The following LRPPRC variants were observed in gnomAD, a reference collection of about 807,000 sequenced individuals.
LRPPRC encodes the protein leucine-rich PPR motif-containing protein, mitochondrial.
In LRPPRC, 120 loss-of-function variants were observed where a neutral mutation model predicts 180.3. That is an observed-to-expected ratio of 0.67 (90% confidence interval 0.57 to 0.77). The LOEUF is 0.77. Among genes scored for constraint, LRPPRC ranks in the 30% least tolerant of loss-of-function variants. LRPPRC has a pLI of 0.00. For synonymous variants in LRPPRC, 723 were observed against 600.0 expected, an observed-to-expected ratio of 1.21 and a Z score of -3.00; for missense variants, 2,012 against 1,657.2, an observed-to-expected ratio of 1.21 and a Z score of -3.72.
chr2:43,943,980 G>A, intron 22 of LRPPRC, 86 bp from the exon 23 acceptor site: 2 of 941,594 alleles, frequency 2.1e-6, no homozygotes, highest in Non-Finnish European at 3.4e-6. Flanking sequence ...AAGCCCAGCA[G>A]GAATGTAAAT....
intron 2 of LRPPRC, among the ~76,000 whole-genome samples, chr2:43,980,156 C>T (rs1206277632): frequency 6.6e-6 from 1 of 152,112 alleles, no homozygotes; most frequent in Non-Finnish European, 1.5e-5. Context: ...CTTAAGAAAT[C>T]TAAGGTTATA....
chr2:43,909,873 G>GAC lies in LRPPRC; in HGVS notation c.3275+2557_3275+2558dup, dbSNP rs1671196976. ...ACAGGTTGTAAATTTAAGGCAAATA[G>GAC]ACGGTCATGCTTACAACTATCTTCC... On this transcript the variant is annotated intron_variant, in intron 30 of 37. Coordinates refer to ENST00000260665, the MANE Select transcript of LRPPRC (RefSeq NM_133259.4). Among the ~76,000 whole-genome samples the GAC allele has an allele frequency of 2.6e-5, 4 of 152,262 alleles. No homozygotes were observed. The South Asian group carries it at 8.3e-4, about 32-fold the overall frequency.
At chr2:43,905,975 C>T (rs761327654) in intron 30 of LRPPRC, among the ~76,000 whole-genome samples, 195 bp from the exon 31 acceptor site, 4 of 152,042 alleles carry the variant, frequency 2.6e-5, no homozygotes, top group Non-Finnish European at 5.9e-5. Flanking sequence ...TGCATTCTGA[C>T]AGATGACAAA....
rs1290296223 is a variant in LRPPRC at position 43,947,359 on chromosome 2, A to C, written c.1977T>G (p.Leu659=). 3.9e-6 allele frequency: 6 copies of C among 1,553,564 alleles called. No individual in the cohort carries two copies. The highest frequency in any genetic ancestry group is 5.3e-6 in the Non-Finnish European group (6 of 1,125,756). Residue 659 remains leucine, a synonymous_variant, in exon 20 of 38, where the codon CTT becomes CTG. Transcript: ENST00000260665. ...GTGTGGACTCCAATTCAGATGATGT[A>C]AGTTGCACAGTCTACAGAAAAGAAA... ...KNLDFQKTVQ[L]TSSELESTLE...
chr2:43,923,157 T>C (rs1277449710), intron 27 of LRPPRC, among the ~76,000 whole-genome samples: 1 of 142,654 alleles, frequency 7.0e-6, no homozygotes, highest in Admixed American at 7.4e-5. Context: ...AGCTAAATGT[T>C]GTATATTTTT....
At chr2:43,970,642 C>T (rs1673764614) in intron 11 of LRPPRC, among the ~76,000 whole-genome samples, 1 of 152,134 alleles carries the variant, frequency 6.6e-6, no homozygotes, top group Admixed American at 6.5e-5. Context: ...AGAGGAAAGT[C>T]TCCATTTAAA....
intron 14 of LRPPRC, among the ~76,000 whole-genome samples, chr2:43,951,727 G>C (rs566995612): frequency 2.0e-5 from 3 of 152,092 alleles, no homozygotes; most frequent in African/African-American, 7.2e-5. Flanking sequence ...CTCTACTTTC[G>C]TGAAGGTTTA....
chr2:43,946,524 A>T (rs1049927494), intron 20 of LRPPRC, among the ~76,000 whole-genome samples: 2 of 152,068 alleles, frequency 1.3e-5, no homozygotes, highest in Non-Finnish European at 2.9e-5. Flanking sequence ...GGTATTATTT[A>T]AAAAAGACTT....
chr2:43,979,708 T>A (rs1674218219), intron 3 of LRPPRC, 118 bp downstream of exon 3: 2 of 805,828 alleles, frequency 2.5e-6, no homozygotes, highest in Admixed American at 2.3e-5. Flanking sequence ...CAAAAAATTA[T>A]GAATCAAGTA....
chr2:43,989,089 T>C (rs542909086), intron 1 of LRPPRC, among the ~76,000 whole-genome samples: 18 of 152,202 alleles, frequency 1.2e-4, no homozygotes, highest in African/African-American at 4.3e-4. Context: ...CCCAGGCTGG[T>C]CTTGAACTCC....
In LRPPRC at chr2:43,963,602, G is replaced by T; in HGVS notation, c.1474C>A (p.Arg492=). 1 of 1,596,270 alleles carries T rather than the reference G, an allele frequency of 6.3e-7. No homozygotes were observed. Among genetic ancestry groups the T allele is most frequent in the South Asian group, 1.1e-5 (1 of 90,718 alleles). ...IPCFDSVNSA[R]AILQENGCLS... Reference sequence around the variant, plus strand: ...CTTGTACTCACCTGCAAAATGGCTCGTGCTGAGTTTACACTATCAAAGCAT... The same window carrying T: ...CTTGTACTCACCTGCAAAATGGCTCTTGCTGAGTTTACACTATCAAAGCAT... The change falls in exon 12 of 38, where the codon CGA becomes AGA. Residue 492 remains arginine (R), a synonymous_variant. Coordinates refer to ENST00000260665, the MANE Select transcript of LRPPRC (RefSeq NM_133259.4).
chr2:43,955,523 C>A lies in LRPPRC; in HGVS notation c.1649+1862G>T, dbSNP rs1339471343. On this transcript the variant is annotated intron_variant, in intron 14 of 37. Transcript: ENST00000260665. ...GAAAATTATGAATCACTGTGCTACA[C>A]TGCTTCTCTCAACAGAATAACCTGG... Among the ~76,000 whole-genome samples the A allele has an allele frequency of 6.7e-5, 10 of 149,994 alleles. 1 individual carries two copies. The highest frequency in any genetic ancestry group is 3.3e-4 in the Admixed American group (5 of 15,076).
At chr2:43,917,950 T>G in intron 29 of LRPPRC, 75 bp downstream of exon 29, 1 of 998,904 alleles carries the variant, frequency 1.0e-6, no homozygotes, top group South Asian at 1.3e-5. Context: ...TCTAATTGGT[T>G]GGGCTTACAC....
At chr2:43,923,561 C>A (rs1220140094) in intron 27 of LRPPRC, among the ~76,000 whole-genome samples, 1 of 152,158 alleles carries the variant, frequency 6.6e-6, no homozygotes, top group Non-Finnish European at 1.5e-5. Flanking sequence ...TCTCACCTGG[C>A]CTTAGACTAC....
intron 3 of LRPPRC, 80 bp downstream of exon 3, chr2:43,979,746 T>C: frequency 7.9e-7 from 1 of 1,270,366 alleles, no homozygotes; most frequent in South Asian, 1.2e-5. Flanking sequence ...AATTACAGCA[T>C]TTATGTAAAC....
At position 43,918,396 on chromosome 2, in the gene LRPPRC, T is replaced by C. The variant is rs759992965; in HGVS notation, c.2899A>G (p.Ile967Val). The C allele has an allele frequency of 3.7e-6, 6 of 1,606,976 alleles. No homozygotes were observed. The highest frequency in any genetic ancestry group is 5.1e-6 in the Non-Finnish European group (6 of 1,173,704). Residue 967 changes from isoleucine to valine, a missense_variant and splice_region_variant, in exon 28 of 38, where the codon ATA (isoleucine) becomes GTA (valine). By Grantham distance (29) the Ile-to-Val change is conservative. Transcript: ENST00000260665. ...TCAGCTCTTTGCCAGTCACCGTTTA[T>C]TTCTGTAGAATTTGATTAAGCAGAA... ...MYYNLLKLYKINGDWQRADAV... is the reference protein window; with the variant it reads ...MYYNLLKLYKVNGDWQRADAV...
chr2:43,963,762 A>C (rs973031109), intron 11 of LRPPRC, 56 bp from the exon 12 acceptor site: 1 of 930,210 alleles, frequency 1.1e-6, no homozygotes, highest in African/African-American at 1.6e-5. Flanking sequence ...AAGTAAGAAA[A>C]GATCGGTAAG....
chr2:43,901,144 T>C (rs1177390577), intron 32 of LRPPRC, among the ~76,000 whole-genome samples, 176 bp downstream of exon 32: 1 of 152,120 alleles, frequency 6.6e-6, no homozygotes, highest in African/African-American at 2.4e-5. Context: ...AGATTTAAGG[T>C]AAAGAAAAAA....
intron 2 of LRPPRC, among the ~76,000 whole-genome samples, chr2:43,981,702 G>T (rs568169747): frequency 6.6e-6 from 1 of 151,828 alleles, no homozygotes; most frequent in East Asian, 1.9e-4. Flanking sequence ...TCCAAACTTT[G>T]CCCAGATGAG....
Sources: gnomAD v4.1 joint callset for allele counts (sites outside exome capture counted in the v4.1 genomes callset) on GRCh38, gnomAD v4.1.1 for gene constraint, MANE v1.5 for transcripts, NCBI Gene and HGNC (gene_info 2026-07-23, HGNC 2026-07-21) for gene names.